The following RGL2 variants were observed in gnomAD, a reference collection of about 807,000 sequenced individuals.
RGL2 encodes ral guanine nucleotide dissociation stimulator like 2, also known as ral guanine nucleotide dissociation stimulator-like 2.
A neutral mutation model predicts 84.6 loss-of-function variants in RGL2; 40 were observed. That is an observed-to-expected ratio of 0.47 (90% confidence interval 0.37 to 0.62). RGL2 has a LOEUF of 0.62. RGL2 is among the 20% of genes least tolerant of loss of function. RGL2 has a pLI of 0.00. For missense variants in RGL2, 865 were observed against 1,019.7 expected (o/e 0.85, Z 2.07); for synonymous variants, 369 against 417.3 (o/e 0.88, Z 1.41).
At chr6:33,292,777 C>T (rs1455262458) in intron 16 of RGL2, among the ~76,000 whole-genome samples, 7 of 152,082 alleles carry the variant, frequency 4.6e-5, no homozygotes, top group Non-Finnish European at 7.4e-5. Context: ...TTTAACACGG[C>T]GACCAAAAGT....
rs1216486413 is a variant in RGL2 at position 33,294,503 on chromosome 6, T to C, written c.1353+185A>G. 6.6e-6 allele frequency among the ~76,000 whole-genome samples: 1 copy of C among 152,202 alleles called. No individual in the cohort carries two copies. Among genetic ancestry groups the C allele is most frequent in the African/African-American group, 2.4e-5 (1 of 41,458 alleles). On this transcript the variant is annotated intron_variant, in intron 11 of 17. Transcript: ENST00000497454. The surrounding 1 kb of genome is among the most constrained non-coding windows in gnomAD (Gnocchi z 5.0). ...TCATTTAACCCTTATAACAGATCAA[T>C]GTAGATGCTATTTCTAGTTTCCCAT...
Position 33,298,927 on chromosome 6 carries a change from G to A in RGL2, c.-99C>T. ...TGAGCCGCTGTTGCCGTCGGTCTCC[G>A]GCCCCGGACCGAGTCCCCTCCCCGG... On this transcript the variant is annotated 5_prime_UTR_variant, in exon 1 of 18. Transcript: ENST00000497454. This position sits in a 1 kb window ranked among gnomAD's most constrained non-coding sequence, Gnocchi z 4.8. 3.7e-6 allele frequency: 1 copy of A among 273,606 alleles called. No homozygotes were observed. The allele number at this position is 273,606 out of a possible 1,614,324, so 16.9% of individuals were successfully genotyped here.
At position 33,296,716 on chromosome 6, in the gene RGL2, C is replaced by G; in HGVS notation, c.301G>C (p.Val101Leu). 3 of 1,613,980 alleles carry G rather than the reference C, an allele frequency of 1.9e-6. No individual in the cohort carries two copies. The highest frequency in any genetic ancestry group is 1.3e-5 in the African/African-American group (1 of 74,996). The change falls in exon 4 of 18, where the codon GTC becomes CTC. Residue 101 changes from valine to leucine, a missense_variant. Val to Leu is a conservative substitution (Grantham distance 32, BLOSUM62 1). This residue lies in a region of RGL2 where 455 missense variants were observed against 507.8 expected (regional missense o/e 0.90). Coordinates refer to ENST00000497454, the MANE Select transcript of RGL2 (RefSeq NM_004761.5). The surrounding 1 kb of genome is among the most constrained non-coding windows in gnomAD (Gnocchi z 5.0). ...GTCCGGGTATCCAGTAGGTGTCTGA[C>G]CAGGGCCTCCAGAGTGCCAGCTCGG... ...RLRAGTLEAL[V>L]RHLLDTRTSG...
chr6:33,294,619 G>C lies in RGL2; in HGVS notation c.1353+69C>G. The C allele has an allele frequency of 6.5e-7, 1 of 1,529,070 alleles. No homozygotes were observed. Among genetic ancestry groups the C allele is most frequent in the Non-Finnish European group, 9.0e-7 (1 of 1,108,904 alleles). The allele number at this position is 1,529,070 out of a possible 1,614,324, so 94.7% of individuals were successfully genotyped here. On this transcript the variant is annotated intron_variant, in intron 11 of 17. Transcript: ENST00000497454. The surrounding 1 kb of genome is among the most constrained non-coding windows in gnomAD (Gnocchi z 5.0). ...TGCCTTACAGCCCCTTGCAAGGGGC[G>C]GGGGGGTCTGTCCGACCCTGCAGCC...
chr6:33,293,160 G>A lies in RGL2; in HGVS notation c.1863C>T (p.Gly621=). 6.2e-7 allele frequency: 1 copy of A among 1,608,462 alleles called. No homozygotes were observed. Among genetic ancestry groups the A allele is most frequent in the Non-Finnish European group, 8.5e-7 (1 of 1,177,588 alleles). The change falls in exon 16 of 18, where the codon GGC becomes GGT. Residue 621 remains glycine, a synonymous_variant. Coordinates refer to ENST00000497454, the MANE Select transcript of RGL2 (RefSeq NM_004761.5). The surrounding 1 kb of genome is among the most constrained non-coding windows in gnomAD (Gnocchi z 7.0). ...CTTCTGCACCCCCACTCAGCGGGGAGCCACAGGAGGCTGAGCGGCGGTGAC... is the reference window on the plus strand; with the variant it reads ...CTTCTGCACCCCCACTCAGCGGGGAACCACAGGAGGCTGAGCGGCGGTGAC... ...SRGHRRSASC[G]SPLSGGAEEA...
chr6:33,292,183 TC>T lies in RGL2; in HGVS notation c.2252del (p.Gly751GlufsTer46). On this transcript the variant is annotated frameshift_variant, in exon 18 of 18. Coordinates refer to ENST00000497454, the MANE Select transcript of RGL2 (RefSeq NM_004761.5). LOFTEE classifies it high-confidence loss of function. ...PGVTSGPSAS[G>X]TPPSEGGGGS... ...CCCCTCCTCCCTCACTCGGAGGAGT[TC>T]CTGAGGCAGACGGGCCACTGGTGAC... 6.2e-7 allele frequency: 1 copy of T among 1,614,154 alleles called. No homozygotes were observed. Among genetic ancestry groups the T allele is most frequent in the Middle Eastern group, 1.6e-4 (1 of 6,062 alleles).
Position 33,295,851 on chromosome 6 carries a change from C to A in RGL2, c.769-92G>T, listed in dbSNP as rs142858957. On this transcript the variant is annotated intron_variant, in intron 6 of 17. Transcript: ENST00000497454. This position sits in a 1 kb window ranked among gnomAD's most constrained non-coding sequence, Gnocchi z 7.2. ...CTGAGGATCTCAGGTGGCCAAGGAA[C>A]CAGAGGGGCACAGGGTTTGAAGGGT... is the stretch of plus-strand genomic sequence containing the variant. The A allele has an allele frequency of 0.01, 15,402 of 1,495,408 alleles. 147 individuals are homozygous for A. The highest frequency in any genetic ancestry group is 0.027 in the Middle Eastern group (151 of 5,634). 92.6% of individuals were successfully genotyped at this position (1,495,408 alleles called of 1,614,324 possible).
Position 33,293,705 on chromosome 6 carries a change from T to A in RGL2, c.1509-6A>T. Reference sequence around the variant, plus strand: ...CCTCACAGGATACACGATGGCTGGGTTAGGGGGGCAATAGGCAGAGCTCAG... The same window carrying A: ...CCTCACAGGATACACGATGGCTGGGATAGGGGGGCAATAGGCAGAGCTCAG... On this transcript the variant is annotated splice_region_variant and splice_polypyrimidine_tract_variant and intron_variant, in intron 13 of 17. Coordinates refer to ENST00000497454, the MANE Select transcript of RGL2 (RefSeq NM_004761.5). This position sits in a 1 kb window ranked among gnomAD's most constrained non-coding sequence, Gnocchi z 7.0. The A allele has an allele frequency of 6.2e-7, 1 of 1,613,530 alleles. No homozygotes were observed.
Position 33,292,110 on chromosome 6 carries a change from G to C in RGL2, c.2326C>G (p.Leu776Val), listed in dbSNP as rs1359535749. ...CCAACGGGGCTTCCTCCTCAGAACA[G>C]TGCCCGTGCAATCTTCCTCCCTGTG... ...KATGRKIARA[L>V]F The change falls in exon 18 of 18, where the codon CTG becomes GTG. Residue 776 changes from leucine to valine, a missense_variant. Physicochemically the swap from Leu to Val is conservative, Grantham distance 32. This residue lies in a region of RGL2 where 302 missense variants were observed against 327.9 expected (regional missense o/e 0.92). Transcript: ENST00000497454. 6.2e-7 allele frequency: 1 copy of C among 1,614,146 alleles called. No homozygotes were observed. Among genetic ancestry groups the C allele is most frequent in the Non-Finnish European group, 8.5e-7 (1 of 1,180,028 alleles).
Position 33,293,837 on chromosome 6 carries a change from T to C in RGL2, c.1466A>G (p.Gln489Arg). ...TGGCCGGAGCCCCTGTAGCCACCTCTGGATATCATGGTCAGGTTGGAGGTT... is the reference window on the plus strand; with the variant it reads ...TGGCCGGAGCCCCTGTAGCCACCTCCGGATATCATGGTCAGGTTGGAGGTT... ...GYNLQPDHDI[Q>R]RWLQGLRPLT... is the part of the protein sequence containing the mutation. Residue 489 changes from glutamine (Q) to arginine (R), a missense_variant, in exon 13 of 18, where the codon CAG becomes CGG. Transcript: ENST00000497454. This position sits in a 1 kb window ranked among gnomAD's most constrained non-coding sequence, Gnocchi z 7.0. 6.2e-7 allele frequency: 1 copy of C among 1,614,130 alleles called. No homozygotes were observed.
Position 33,295,455 on chromosome 6 carries a change from G to A in RGL2, c.1021-33C>T. On this transcript the variant is annotated intron_variant, in intron 7 of 17. Transcript: ENST00000497454. The surrounding 1 kb of genome is among the most constrained non-coding windows in gnomAD (Gnocchi z 7.2). ...GGTCAAAGAAGAGAGCTAAGGCTATGGGAGGCCTCTCCATTCCATGGCCAC... is the reference window on the plus strand; with the variant it reads ...GGTCAAAGAAGAGAGCTAAGGCTATAGGAGGCCTCTCCATTCCATGGCCAC... 1 of 1,613,404 alleles carries A rather than the reference G, an allele frequency of 6.2e-7. No homozygotes were observed. The highest frequency in any genetic ancestry group is 8.5e-7 in the Non-Finnish European group (1 of 1,179,926).
rs1767942988 is a variant in RGL2, at chr6:33,296,244, C to A, written c.552G>T (p.Arg184=). 1 of 1,613,886 alleles carries A rather than the reference C, an allele frequency of 6.2e-7. No individual in the cohort carries two copies. Among genetic ancestry groups the A allele is most frequent in the African/African-American group, 1.3e-5 (1 of 74,940 alleles). ...FGSEAKGQLD[R]LESFLLQTGY... ...CTGTCTGAAGTAAGAAGCTCTCAAG[C>A]CGGTCAAGCTGACCCTTGGCCTCAG... The change falls in exon 6 of 18, where the codon CGG becomes CGT. Residue 184 remains arginine (R), a synonymous_variant. Coordinates refer to ENST00000497454, the MANE Select transcript of RGL2 (RefSeq NM_004761.5). This position sits in a 1 kb window ranked among gnomAD's most constrained non-coding sequence, Gnocchi z 5.0.
At position 33,293,454 on chromosome 6, in the gene RGL2, C is replaced by T; in HGVS notation, c.1675G>A (p.Ala559Thr). The T allele has an allele frequency of 6.2e-7, 1 of 1,614,100 alleles. No homozygotes were observed. Among genetic ancestry groups the T allele is most frequent in the African/African-American group, 1.3e-5 (1 of 75,048 alleles). The stretch of plus-strand genomic sequence containing the variant: ...AGCAGAGGAGCAGGAGTTGTAGGCG[C>T]CTCATCTCCCCCAGTACTGGGCCGG... ...CDRPSTGGDE[A>T]PTTPAPLLTR... Residue 559 changes from alanine to threonine, a missense_variant, in exon 15 of 18, where the codon GCG becomes ACG. By Grantham distance (58) the Ala-to-Thr change is moderately conservative. Coordinates refer to ENST00000497454, the MANE Select transcript of RGL2 (RefSeq NM_004761.5). The surrounding 1 kb of genome is among the most constrained non-coding windows in gnomAD (Gnocchi z 7.0).
rs1456514712 is a variant in RGL2 at position 33,293,924 on chromosome 6, G to C, written c.1387-8C>G. ...AGAAAGGACTGCAAACTCCTGGGAA[G>C]GAGCCCTCAAACTGCAGGAGCCAAA... On this transcript the variant is annotated splice_polypyrimidine_tract_variant and splice_region_variant and intron_variant, in intron 12 of 17. Transcript: ENST00000497454. The surrounding 1 kb of genome is among the most constrained non-coding windows in gnomAD (Gnocchi z 7.0). 1.9e-6 allele frequency: 3 copies of C among 1,614,070 alleles called. No individual in the cohort carries two copies. The South Asian group carries it at 3.3e-5, about 18-fold the overall frequency.
At chr6:33,299,992 AG>A (rs1768425284), upstream of RGL2, 2 of 153,848 alleles carry the variant, frequency 1.3e-5, no homozygotes, top group Admixed American at 1.3e-4. This position sits in a 1 kb window ranked among gnomAD's most constrained non-coding sequence, Gnocchi z 5.0. Flanking sequence ...ACCGCACAAG[AG>A]GGACGCGCGG....
In RGL2 at chr6:33,296,339, A is replaced by G; in HGVS notation, c.471-14T>C. The stretch of plus-strand genomic sequence containing the variant: ...GAGATGGCTACCCTGGGAGAAGGGA[A>G]TCAGCCAAGGGTGAGAGGTAAAGCT... On this transcript the variant is annotated splice_polypyrimidine_tract_variant and intron_variant, in intron 5 of 17. Coordinates refer to ENST00000497454, the MANE Select transcript of RGL2 (RefSeq NM_004761.5). This position sits in a 1 kb window ranked among gnomAD's most constrained non-coding sequence, Gnocchi z 5.0. 6.2e-7 allele frequency: 1 copy of G among 1,608,106 alleles called. No homozygotes were observed. Among genetic ancestry groups the G allele is most frequent in the Non-Finnish European group, 8.5e-7 (1 of 1,176,540 alleles).
rs1354894833 is a variant in RGL2 at position 33,295,367 on chromosome 6, T to A, written c.1076A>T (p.Gln359Leu). Residue 359 changes from glutamine (Q) to leucine (L), a missense_variant, in exon 8 of 18, where the codon CAG (glutamine) becomes CTG (leucine). Coordinates refer to ENST00000497454, the MANE Select transcript of RGL2 (RefSeq NM_004761.5). This position sits in a 1 kb window ranked among gnomAD's most constrained non-coding sequence, Gnocchi z 7.2. ...SSVYAVVSAL[Q>L]SSPIHRLRAA... ...CCGAAGCCTGTGGATGGGGCTGGACTGCAGGGCTGACACCACGGCATAAAC... is the reference window on the plus strand; with the variant it reads ...CCGAAGCCTGTGGATGGGGCTGGACAGCAGGGCTGACACCACGGCATAAAC... The A allele has an allele frequency of 6.2e-7, 1 of 1,602,878 alleles. No homozygotes were observed. The highest frequency in any genetic ancestry group is 1.7e-5 in the Admixed American group (1 of 58,162).
rs766798075 is a variant in RGL2 at position 33,293,041 on chromosome 6, T to C, written c.1982A>G (p.Asp661Gly). ...IIRVQMELGE[D>G]GSVYKSILVT... ...CAAAATGCTCTTATAGACACTGCCA[T>C]CTTCCCCCAACTCCATCTGGACTCG... Residue 661 changes from aspartate to glycine, a missense_variant, in exon 16 of 18, where the codon GAT (aspartate) becomes GGT (glycine). Asp to Gly is a moderately conservative substitution (Grantham distance 94, BLOSUM62 -1). This residue lies in a region of RGL2 where 302 missense variants were observed against 327.9 expected (regional missense o/e 0.92). Coordinates refer to ENST00000497454, the MANE Select transcript of RGL2 (RefSeq NM_004761.5). The surrounding 1 kb of genome is among the most constrained non-coding windows in gnomAD (Gnocchi z 7.0). 3.4e-5 allele frequency: 55 copies of C among 1,614,026 alleles called. 2 individuals are homozygous for C. In the Admixed American group the frequency reaches 3.5e-4, roughly 10 times the overall value.
rs1328478509 is a variant in RGL2, at chr6:33,293,298, C to T, written c.1725G>A (p.Lys575=). The T allele has an allele frequency of 4.5e-6, 7 of 1,551,584 alleles. No individual in the cohort carries two copies. The East Asian group carries it at 1.1e-4, about 25-fold the overall frequency. Residue 575 remains lysine, a synonymous_variant, in exon 16 of 18, where the codon AAG becomes AAA. Transcript: ENST00000497454. This position sits in a 1 kb window ranked among gnomAD's most constrained non-coding sequence, Gnocchi z 7.0. ...PLLTRLAQHM[K]WPSVSSLDSA... The stretch of plus-strand genomic sequence containing the variant: ...AGTCTAGTGACGAGACAGATGGCCA[C>T]TTCATGTGCTAGGAACAAACAACAT...
Sources: gnomAD v4.1 joint callset for allele counts (sites outside exome capture counted in the v4.1 genomes callset) on GRCh38, gnomAD v4.1.1 for gene constraint, gnomAD v4.1.1 regional missense constraint, Gnocchi (gnomAD v3.1) non-coding constraint, MANE v1.5 for transcripts, NCBI Gene and HGNC (gene_info 2026-07-23, HGNC 2026-07-21) for gene names.